Variants in KCNC4 observed in about 807,000 individuals in gnomAD.
KCNC4 encodes voltage-gated potassium channel KCNC4.
In KCNC4, 23 loss-of-function variants were observed where a neutral mutation model predicts 42.8. That is an observed-to-expected ratio of 0.54 (90% CI 0.39 to 0.76). KCNC4 has a LOEUF of 0.76. Ranked by LOEUF, KCNC4 falls within the 30% of genes least tolerant of loss-of-function variation. The pLI, the probability that KCNC4 is intolerant of heterozygous loss-of-function variation, is 0.00. For synonymous variants in KCNC4, 422 were observed against 393.5 expected (o/e 1.07, Z -0.86); for missense variants, 751 against 898.2 (o/e 0.84, Z 2.10).
chr1:110,263,455 C>T (rs2101078111), intron 1 of KCNC4, among the ~76,000 whole-genome samples: 1 of 151,970 alleles, frequency 6.6e-6, no homozygotes, highest in Middle Eastern at 3.4e-3. Flanking sequence ...AAGATTGCTG[C>T]TGGAGATAGA....
Position 110,212,044 on chromosome 1 carries a change from G to A in KCNC4, c.545G>A (p.Arg182Gln), listed in dbSNP as rs762425176. 7.6e-6 allele frequency: 12 copies of A among 1,579,716 alleles called. No homozygotes were observed. The highest frequency in any genetic ancestry group is 4.0e-4 in the Middle Eastern group (2 of 4,972). ...GPSDEAGDDERELALQRLGPH... is the reference protein window; with the variant it reads ...GPSDEAGDDEQELALQRLGPH... ...AGCGACGAGGCCGGCGACGATGAGC[G>A]GGAGCTGGCCCTGCAGCGACTGGGC... Residue 182 changes from arginine to glutamine, a missense_variant, in exon 1 of 4, where the codon CGG (arginine) becomes CAG (glutamine). Physicochemically the swap from Arg to Gln is conservative, Grantham distance 43. This residue lies in a region of KCNC4 where 181 missense variants were observed against 167.3 expected (regional missense o/e 1.08). Transcript: ENST00000438661.
Position 110,211,926 on chromosome 1 carries a change from T to G in KCNC4, c.427T>G (p.Cys143Gly). The G allele has an allele frequency of 1.2e-6, 2 of 1,611,524 alleles. No homozygotes were observed. The highest frequency in any genetic ancestry group is 1.1e-5 in the South Asian group (1 of 90,998). The part of the protein sequence containing the change: ...WGIDETDVEP[C>G]CWMTYRQHRD... The stretch of plus-strand genomic sequence containing the variant: ...CATCGACGAGACCGACGTGGAACCC[T>G]GCTGCTGGATGACCTACCGGCAGCA... The change falls in exon 1 of 4, where the codon TGC (cysteine) becomes GGC (glycine). Residue 143 changes from cysteine (C) to glycine (G), a missense_variant. By Grantham distance (159) the Cys-to-Gly change is radical (BLOSUM62 -3). This residue lies in a region of KCNC4 where 183 missense variants were observed against 255.8 expected (regional missense o/e 0.72). Transcript: ENST00000438661. The surrounding 1 kb of genome is among the most constrained non-coding windows in gnomAD (Gnocchi z 6.5).
At chr1:110,236,647 A>G (rs1658914206), downstream of KCNC4, 2 of 152,342 alleles carry the variant, frequency 1.3e-5, no homozygotes, top group East Asian at 3.9e-4. Context: ...CACCCAGCTC[A>G]GTGACTGCTT....
At chr1:110,275,758 A>G (rs1278982926) in intron 1 of KCNC4, among the ~76,000 whole-genome samples, 1 of 152,044 alleles carries the variant, frequency 6.6e-6, no homozygotes, top group African/African-American at 2.4e-5. Flanking sequence ...GGAGATCGAG[A>G]CCATTCTGGC....
At chr1:110,266,833 C>T (rs774497185) in intron 1 of KCNC4, among the ~76,000 whole-genome samples, 12 of 152,176 alleles carry the variant, frequency 7.9e-5, no homozygotes, top group Non-Finnish European at 1.6e-4. Context: ...GTTCCCCGGA[C>T]CCGAGGACCC....
chr1:110,233,401 G>A lies in KCNC4; in HGVS notation c.*429G>A, dbSNP rs965881478. ...TTGCCAGTCCAGCTGGGTAGTCCCA[G>A]GCTCCTGTCTTGGGGATGTTTCCCC... On this transcript the variant is annotated 3_prime_UTR_variant, in exon 4 of 4. Coordinates refer to ENST00000438661, the MANE Select transcript of KCNC4 (RefSeq NM_001039574.3). 8.5e-6 allele frequency: 2 copies of A among 235,252 alleles called. No homozygotes were observed. Among genetic ancestry groups the A allele is most frequent in the African/African-American group, 4.6e-5 (2 of 43,698 alleles). The allele number at this position is 235,252 out of a possible 1,614,324, so 14.6% of individuals were successfully genotyped here.
Position 110,210,693 on chromosome 1 carries a change from C to G in KCNC4, c.-807C>G, listed in dbSNP as rs1657386752. Among the ~76,000 whole-genome samples, 1 of 151,216 alleles carries G rather than the reference C, an allele frequency of 6.6e-6. No individual in the cohort carries two copies. The highest frequency in any genetic ancestry group is 6.6e-5 in the Admixed American group (1 of 15,184). ...GCAGGACGCCCCGTCTGAGGCACCC[C>G]CGCCCCAGCGCGGCCCCCGCAGCGC... On this transcript the variant is annotated 5_prime_UTR_variant, in exon 1 of 4. Transcript: ENST00000438661.
In KCNC4 at chr1:110,232,605, G is replaced by A. The variant is rs188689754; in HGVS notation, c.1820-306G>A. ...TAGTGGTTACCTGAACAGGTATGGC[G>A]ATGAGCTACAACATCACCTGAGTCA... On this transcript the variant is annotated intron_variant, in intron 3 of 3. Transcript: ENST00000438661. 2,546 of 1,439,398 alleles carry A rather than the reference G, an allele frequency of 1.8e-3. 2 individuals carry two copies. Among genetic ancestry groups the A allele is most frequent in the Non-Finnish European group, 2.1e-3 (2,322 of 1,102,862 alleles). 89.2% of individuals were successfully genotyped at this position (1,439,398 alleles called of 1,614,324 possible).
chr1:110,278,003 C>T (rs1039195676), intron 1 of KCNC4, among the ~76,000 whole-genome samples: 2 of 152,192 alleles, frequency 1.3e-5, no homozygotes, highest in Non-Finnish European at 2.9e-5. Context: ...AAAAAATAGC[C>T]GGGTGTAGTG....
At chr1:110,245,450 A>C (rs531917864) in exon 4 of KCNC4, 1 of 152,180 alleles carries the variant, frequency 6.6e-6, no homozygotes, top group Non-Finnish European at 1.5e-5. Context: ...ATGAAGACCC[A>C]GCTGGTGATC....
chr1:110,210,317 G>GGGGCGTGGC lies in KCNC4; in HGVS notation c.-1180_-1172dup, dbSNP rs1395794202. Among the ~76,000 whole-genome samples, 2 of 151,608 alleles carry GGGGCGTGGC rather than the reference G, an allele frequency of 1.3e-5. No homozygotes were observed. Among genetic ancestry groups the GGGGCGTGGC allele is most frequent in the Admixed American group, 6.6e-5 (1 of 15,226 alleles). On this transcript the variant is annotated 5_prime_UTR_variant, in exon 1 of 4. Transcript: ENST00000438661. ...GGGCCCCGGAGGAAAAGGCGCCACT[G>GGGGCGTGGC]GGGCGTGGCGGCCGCTGCCAGCGCC...
chr1:110,220,891 G>A (rs1279993526), intron 1 of KCNC4: 4 of 152,214 alleles, frequency 2.6e-5, no homozygotes, highest in African/African-American at 9.7e-5. Flanking sequence ...TCACAGGGGA[G>A]AAGCAAGCAG....
Position 110,212,133 on chromosome 1 carries a change from A to G in KCNC4, c.634A>G (p.Met212Val). The G allele has an allele frequency of 1.3e-6, 2 of 1,506,070 alleles. No individual in the cohort carries two copies. Among genetic ancestry groups the G allele is most frequent in the South Asian group, 1.3e-5 (1 of 77,176 alleles). The allele number at this position is 1,506,070 out of a possible 1,614,324, so 93.3% of individuals were successfully genotyped here. A position where few individuals can be genotyped will look rare whatever the true frequency, so the allele number is the denominator to read the frequency against. ...GGGCTGCCGCGGCTGGCAGCCCCGCATGTGGGCGCTCTTCGAGGATCCCTA... is the reference window on the plus strand; with the variant it reads ...GGGCTGCCGCGGCTGGCAGCCCCGCGTGTGGGCGCTCTTCGAGGATCCCTA... ...SGGCRGWQPR[M>V]WALFEDPYSS... The change falls in exon 1 of 4, where the codon ATG (methionine) becomes GTG (valine). Residue 212 changes from methionine (M) to valine (V), a missense_variant. Transcript: ENST00000438661.
intron 3 of KCNC4, among the ~76,000 whole-genome samples, chr1:110,229,439 TG>T (rs1571052507): frequency 6.6e-6 from 1 of 152,164 alleles, no homozygotes; most frequent in East Asian, 1.9e-4. Flanking sequence ...TGACTCCCAC[TG>T]GCGGCACCTG....
At chr1:110,227,807 T>C (rs536039629) in intron 3 of KCNC4, among the ~76,000 whole-genome samples, 15 of 152,134 alleles carry the variant, frequency 9.9e-5, no homozygotes, top group African/African-American at 3.6e-4. Flanking sequence ...GCCGTGAGGG[T>C]ACCAGTCAGG....
chr1:110,259,684 T>C (rs6695971), intron 1 of KCNC4, among the ~76,000 whole-genome samples: 151,792 of 152,292 alleles, frequency 1, 75,647 homozygotes, highest in East Asian at 1. Context: ...AGGAAAGCTC[T>C]ATGCTAGGAT....
Position 110,211,768 on chromosome 1 carries a change from G to GGGGCTGCGA in KCNC4, c.271_279dup (p.Gly91_Glu93dup). 1 of 1,610,156 alleles carries GGGGCTGCGA rather than the reference G, an allele frequency of 6.2e-7. No individual in the cohort carries two copies. The highest frequency in any genetic ancestry group is 1.7e-5 in the Admixed American group (1 of 59,948). On this transcript the variant is annotated inframe_insertion, in exon 1 of 4. Coordinates refer to ENST00000438661, the MANE Select transcript of KCNC4 (RefSeq NM_001039574.3). This position sits in a 1 kb window ranked among gnomAD's most constrained non-coding sequence, Gnocchi z 6.5. ...GGTAGCAGCGGCAGCAGCGGCGGCG[G>GGGGCTGCGA]GGGCTGCGAGTTCTTCTTCGACAGG...
At chr1:110,231,347 G>C (rs67330514) in intron 3 of KCNC4, among the ~76,000 whole-genome samples, 42,359 of 151,952 alleles carry the variant, frequency 0.28, 7,070 homozygotes, top group Non-Finnish European at 0.37. Context: ...GGTCAAATAG[G>C]TAAGAATCCA....
At chr1:110,235,615 G>C (rs752538702), downstream of KCNC4, 5 of 152,250 alleles carry the variant, frequency 3.3e-5, no homozygotes, top group Non-Finnish European at 7.3e-5. Context: ...GGAAGAGGAG[G>C]GGGCAGTGTG....
Sources: gnomAD v4.1 joint callset for allele counts (sites outside exome capture counted in the v4.1 genomes callset) on GRCh38, gnomAD v4.1.1 for gene constraint, gnomAD v4.1.1 regional missense constraint, Gnocchi (gnomAD v3.1) non-coding constraint, MANE v1.5 for transcripts, NCBI Gene and HGNC (gene_info 2026-07-23, HGNC 2026-07-21) for gene names.